The following CFAP92 variants were observed in gnomAD, a reference collection of about 807,000 sequenced individuals.
The protein encoded by CFAP92 is cilia and flagella associated protein 92 (putative).
CFAP92 carries 86 observed loss-of-function variants against 106.3 expected under a neutral mutation model. That is an observed-to-expected ratio of 0.81 (90% CI 0.68 to 0.97). The LOEUF (loss-of-function observed/expected upper bound fraction) is 0.97, where lower values mean the gene tolerates loss of function less well. Among genes scored for constraint, CFAP92 ranks in the 50% least tolerant of loss-of-function variants. CFAP92 has a pLI of 0.00. For missense variants in CFAP92, 1,204 were observed against 1,283.8 expected (o/e 0.94, Z 0.95); for synonymous variants, 477 against 506.4 (o/e 0.94, Z 0.78).
chr3:128,986,116 G>C (rs1459268476), intron 4 of CFAP92, among the ~76,000 whole-genome samples: 1 of 152,092 alleles, frequency 6.6e-6, no homozygotes, highest in Non-Finnish European at 1.5e-5. Flanking sequence ...AGGTGGGCTG[G>C]AAAATCAGAG....
chr3:128,914,953 A>T (rs565929872), intron 15 of CFAP92, 166 bp downstream of exon 15: 3 of 670,082 alleles, frequency 4.5e-6, no homozygotes, highest in East Asian at 2.7e-5. Context: ...CCAGCCCAGC[A>T]TTCAATCTCT....
intron 2 of CFAP92, among the ~76,000 whole-genome samples, chr3:128,991,206 T>A (rs1371074712): frequency 6.6e-6 from 1 of 152,216 alleles, no homozygotes; most frequent in Admixed American, 6.5e-5. Flanking sequence ...TTGGTTGGTA[T>A]TTGCCAGATG....
chr3:128,991,770 C>T (rs746564966), intron 2 of CFAP92: 140 of 1,002,648 alleles, frequency 1.4e-4, no homozygotes, highest in Non-Finnish European at 1.6e-4. Context: ...GGGGTTCCAA[C>T]CCATACAAGA....
At chr3:128,992,571 G>T (rs61041634) in intron 2 of CFAP92, among the ~76,000 whole-genome samples, 1,823 of 151,258 alleles carry the variant, frequency 0.012, 25 homozygotes, top group African/African-American at 0.042. Flanking sequence ...AATAAAAAAA[G>T]AATTATTATT....
intron 9 of CFAP92, among the ~76,000 whole-genome samples, chr3:128,956,203 AAAATAAAAAAAT>A (rs1941384146): frequency 1.9e-5 from 2 of 104,396 alleles, no homozygotes; most frequent in South Asian, 2.7e-4. Context: ...AAATAAAAAA[AAAATAAAAAAAT>A]AAAAAAAAAA....
At chr3:129,015,172 A>T in the CFAP92 span, among the ~76,000 whole-genome samples, 20 of 151,772 alleles carry the variant, frequency 1.3e-4, no homozygotes, top group East Asian at 5.8e-4. Context: ...GCCCTTTCCC[A>T]TCCTCTCCTG....
chr3:129,002,299 G>A lies in CFAP92; in HGVS notation n.117+275C>T, dbSNP rs770159370. On this transcript the variant is annotated intron_variant and non_coding_transcript_variant, in intron 1 of 4. Transcript: ENST00000510149. ...GACCTGCGCGCCGCGCTGCAGAGCA[G>A]TGATGCGCGCTGCCTAGCACTGCAG... 1.2e-5 allele frequency: 19 copies of A among 1,526,618 alleles called. No homozygotes were observed. In the South Asian group the frequency reaches 1.4e-4, roughly 12 times the overall value. 94.6% of individuals were successfully genotyped at this position (1,526,618 alleles called of 1,614,324 possible).
chr3:128,918,897 A>C (rs1007870847), intron 12 of CFAP92, among the ~76,000 whole-genome samples: 3 of 151,986 alleles, frequency 2.0e-5, no homozygotes, highest in African/African-American at 7.2e-5. Context: ...CTAACCTAAC[A>C]GTAATTAATG....
the CFAP92 span, among the ~76,000 whole-genome samples, chr3:129,014,946 C>G: frequency 6.6e-6 from 1 of 152,126 alleles, no homozygotes; most frequent in African/African-American, 2.4e-5. The surrounding 1 kb of genome is among the most constrained non-coding windows in gnomAD (Gnocchi z 4.3). Context: ...CTCAGACCCA[C>G]CTGCTACTCT....
At position 128,909,970 on chromosome 3, in the gene CFAP92, G is replaced by C. The variant is rs115174494; in HGVS notation, c.*329C>G. 4.1e-5 allele frequency: 66 copies of C among 1,605,270 alleles called. No homozygotes were observed. The highest frequency in any genetic ancestry group is 5.2e-5 in the Non-Finnish European group (61 of 1,176,458). ...GATGCAGCCCAGGGAGGGACCATGT[G>C]GGGGACTGGTCTAGGTAGTGAGTCC... is the stretch of plus-strand genomic sequence containing the variant. On this transcript the variant is annotated 3_prime_UTR_variant, in exon 16 of 16. Coordinates refer to ENST00000645291, the MANE Select transcript of CFAP92 (RefSeq NM_001394090.1).
chr3:128,978,105 T>C lies in CFAP92; in HGVS notation c.748A>G (p.Asn250Asp). The change falls in exon 5 of 16, where the codon AAC (asparagine) becomes GAC (aspartate). Residue 250 changes from asparagine to aspartate, a missense_variant. Coordinates refer to ENST00000645291, the MANE Select transcript of CFAP92 (RefSeq NM_001394090.1). Reference sequence around the variant, plus strand: ...TGTTTTCCTGGCGGATGTTCCTGGTTCGACTCTTCTCTGACAATGTTGGTA... The same window carrying C: ...TGTTTTCCTGGCGGATGTTCCTGGTCCGACTCTTCTCTGACAATGTTGGTA... ...ENTNIVREES[N>D]QEHPPGKQEK... The C allele has an allele frequency of 6.2e-7, 1 of 1,614,050 alleles. No individual in the cohort carries two copies. Among genetic ancestry groups the C allele is most frequent in the African/African-American group, 1.3e-5 (1 of 75,052 alleles).
intron 4 of CFAP92, among the ~76,000 whole-genome samples, chr3:128,979,257 C>G (rs1304828073): frequency 6.6e-6 from 1 of 152,184 alleles, no homozygotes; most frequent in Admixed American, 6.5e-5. Context: ...TACCATCTCA[C>G]ACCAGTTAGA....
At chr3:128,976,728 C>T (rs887159673) in intron 6 of CFAP92, among the ~76,000 whole-genome samples, 7 of 152,142 alleles carry the variant, frequency 4.6e-5, no homozygotes, top group South Asian at 4.1e-4. Context: ...TTTTAGGAAA[C>T]GGAGATAGTC....
chr3:128,923,790 T>C (rs1937497609), intron 12 of CFAP92, among the ~76,000 whole-genome samples: 1 of 152,198 alleles, frequency 6.6e-6, no homozygotes, highest in Non-Finnish European at 1.5e-5. Context: ...ATGTTACTCT[T>C]AAATGCCATC....
Position 128,932,993 on chromosome 3 carries a change from G to T in CFAP92, c.2458C>A (p.His820Asn). 1 of 1,536,054 alleles carries T rather than the reference G, an allele frequency of 6.5e-7. No individual in the cohort carries two copies. The change falls in exon 12 of 16, where the codon CAC (histidine) becomes AAC (asparagine). Residue 820 changes from histidine (H) to asparagine (N), a missense_variant. His to Asn is a moderately conservative substitution (Grantham distance 68). Transcript: ENST00000645291. ...GTGGTGCTGTTATAGCAGATGTCGT[G>T]GATCCTGGAACAAAGAACCACTGCC... Reference protein sequence around the residue: ...RRVFQALARIHDICYNSTTLW... With the variant: ...RRVFQALARINDICYNSTTLW...
At chr3:128,923,155 G>C (rs192042586) in intron 12 of CFAP92, among the ~76,000 whole-genome samples, 53 of 116,008 alleles carry the variant, frequency 4.6e-4, no homozygotes, top group Admixed American at 4.0e-3. Context: ...GTTTTTGCAG[G>C]AGATGAACAA....
At chr3:128,923,752 C>T (rs1247417452) in intron 12 of CFAP92, among the ~76,000 whole-genome samples, 5 of 152,290 alleles carry the variant, frequency 3.3e-5, no homozygotes, top group East Asian at 1.9e-4. Flanking sequence ...AAGTTGTGTT[C>T]GGCCACCTTT....
intron 7 of CFAP92, 148 bp from the exon 8 acceptor site, chr3:128,971,581 G>A: frequency 4.5e-6 from 3 of 672,228 alleles, no homozygotes; most frequent in South Asian, 4.1e-5. Flanking sequence ...CCTCTTCCCA[G>A]CAACCAGAAG....
chr3:128,914,587 A>T (rs918855575), intron 15 of CFAP92: 1 of 152,760 alleles, frequency 6.5e-6, no homozygotes, highest in Non-Finnish European at 1.5e-5. Context: ...TTTGGGTTCT[A>T]TGTTAACCTC....
Sources: gnomAD v4.1 joint callset for allele counts (sites outside exome capture counted in the v4.1 genomes callset) on GRCh38, gnomAD v4.1.1 for gene constraint, Gnocchi (gnomAD v3.1) non-coding constraint, MANE v1.5 for transcripts, NCBI Gene and HGNC (gene_info 2026-07-23, HGNC 2026-07-21) for gene names.